ESR1: variants seen among roughly 807,000 people sequenced by gnomAD.
ESR1 encodes estrogen receptor.
In ESR1, 12 loss-of-function variants were observed where a neutral mutation model predicts 52.7. That is an observed-to-expected ratio of 0.23 (90% CI 0.15 to 0.37). ESR1 has a LOEUF of 0.37. Ranked by LOEUF, ESR1 falls within the 10% of genes least tolerant of loss-of-function variation. The pLI is 1.00. For synonymous variants in ESR1, 305 were observed against 316.8 expected (o/e 0.96, Z 0.39); for missense variants, 584 against 779.7 (o/e 0.75, Z 2.99).
intron 2 of ESR1, among the ~76,000 whole-genome samples, chr6:151,853,203 A>AAAAG (rs1562478896): frequency 6.7e-6 from 1 of 149,146 alleles, no homozygotes; most frequent in African/African-American, 2.5e-5. Flanking sequence ...AAAAAAGAGA[A>AAAAG]AGAAAGAAAG....
At position 152,061,706 on chromosome 6, in the gene ESR1, G is replaced by A. The variant is rs2047557540; in HGVS notation, c.1369+582G>A. ...ACTGCCCCTTCGTATTTATTTGTTT[G>A]AGAAAGCTTAGCTAAGAGCAACATC... On this transcript the variant is annotated intron_variant, in intron 6 of 7. Coordinates refer to ENST00000206249, the MANE Select transcript of ESR1 (RefSeq NM_000125.4). The surrounding 1 kb of genome is among the most constrained non-coding windows in gnomAD (Gnocchi z 4.3). Among the ~76,000 whole-genome samples, 1 of 152,212 alleles carries A rather than the reference G, an allele frequency of 6.6e-6. No homozygotes were observed. Among genetic ancestry groups the A allele is most frequent in the Non-Finnish European group, 1.5e-5 (1 of 68,042 alleles).
chr6:152,013,976 C>T (rs533963261), intron 5 of ESR1, among the ~76,000 whole-genome samples: 8 of 152,126 alleles, frequency 5.3e-5, no homozygotes, highest in South Asian at 4.2e-4. Context: ...GGGAGGGACC[C>T]GGTGGGAGGT....
intron 2 of ESR1, among the ~76,000 whole-genome samples, chr6:151,723,907 C>G (rs757464735): frequency 1.0e-3 from 152 of 151,994 alleles, no homozygotes; most frequent in Admixed American, 3.4e-3. Flanking sequence ...GCTGGTACCC[C>G]CTAAATCTAT....
chr6:151,736,375 G>GTTCTTTTTTTTTTTTTTTTTTTTTTTT (rs748276035), intron 2 of ESR1, among the ~76,000 whole-genome samples: 2 of 112,720 alleles, frequency 1.8e-5, no homozygotes, highest in South Asian at 2.6e-4. Flanking sequence ...TCCAGGTAGT[G>GTTCTTTTTTTTTTTTTTTTTTTTTTTT]TTTTTTTTTT....
chr6:152,083,103 GA>G (rs138555265), intron 6 of ESR1, among the ~76,000 whole-genome samples: 32,072 of 151,820 alleles, frequency 0.21, 4,779 homozygotes, highest in African/African-American at 0.41. Flanking sequence ...CACAGACTTG[GA>G]AAAAAACTAC....
chr6:151,919,443 A>G (rs1361273527), intron 3 of ESR1, among the ~76,000 whole-genome samples: 1 of 152,210 alleles, frequency 6.6e-6, no homozygotes, highest in Non-Finnish European at 1.5e-5. Context: ...TTTTATTACA[A>G]TAGTGTTTTT....
intron 2 of ESR1, among the ~76,000 whole-genome samples, chr6:151,850,590 C>T (rs1006810526): frequency 1.3e-5 from 2 of 151,976 alleles, no homozygotes; most frequent in African/African-American, 2.4e-5. Flanking sequence ...CCAATATCTC[C>T]CAAATCTTGC....
chr6:152,047,512 T>C (rs2046319333), intron 5 of ESR1, among the ~76,000 whole-genome samples: 1 of 152,196 alleles, frequency 6.6e-6, no homozygotes, highest in Non-Finnish European at 1.5e-5. Context: ...AAATATTGTA[T>C]GTTGCATTTT....
intron 5 of ESR1, among the ~76,000 whole-genome samples, chr6:152,034,224 C>T (rs1330053194): frequency 6.6e-6 from 1 of 151,870 alleles, no homozygotes; most frequent in South Asian, 2.1e-4. Flanking sequence ...ACCAACATGG[C>T]ACATGTATGC....
chr6:152,088,067 A>C (rs989817239), intron 6 of ESR1, among the ~76,000 whole-genome samples: 1 of 152,222 alleles, frequency 6.6e-6, no homozygotes, highest in South Asian at 2.1e-4. Flanking sequence ...TGAAACAAAT[A>C]GGTAATAATT....
intron 6 of ESR1, among the ~76,000 whole-genome samples, chr6:152,119,594 C>T (rs1424770982): frequency 1.3e-5 from 2 of 152,170 alleles, no homozygotes; most frequent in African/African-American, 2.4e-5. Context: ...TATGCCCTTC[C>T]TCACCCAGCA....
In ESR1 at chr6:151,868,081, GATAGTTTTTTGTACCCA is replaced by G. The variant is rs1265330894; in HGVS notation, c.644-12571_644-12555del. On this transcript the variant is annotated intron_variant, in intron 2 of 7. Coordinates refer to ENST00000206249, the MANE Select transcript of ESR1 (RefSeq NM_000125.4). ...TCAGGTAATGAGCATAGTACCCAAT[GATAGTTTTTTGTACCCA>G]ATGATAGTTTTTTGTTTTCTTTGTT... Among the ~76,000 whole-genome samples, 3 of 46,260 alleles carry G rather than the reference GATAGTTTTTTGTACCCA, an allele frequency of 6.5e-5. No homozygotes were observed. In the East Asian group the frequency reaches 1.8e-3, roughly 28 times the overall value. The allele number at this position is 46,260 out of a possible 152,430, so 30.3% of individuals were successfully genotyped here.
chr6:151,962,079 GA>G (rs2037737309), intron 4 of ESR1, among the ~76,000 whole-genome samples: 1 of 152,152 alleles, frequency 6.6e-6, no homozygotes, highest in Non-Finnish European at 1.5e-5. Context: ...AGGGGACAGT[GA>G]AAAGGGAGTA....
chr6:151,768,177 A>C (rs1042151453), intron 2 of ESR1, among the ~76,000 whole-genome samples: 4 of 152,318 alleles, frequency 2.6e-5, no homozygotes, highest in African/African-American at 9.6e-5. Flanking sequence ...CTTTACAGAG[A>C]AGAAGAAATC....
chr6:151,995,824 A>T (rs1584719850), intron 4 of ESR1, among the ~76,000 whole-genome samples: 1 of 152,182 alleles, frequency 6.6e-6, no homozygotes, highest in East Asian at 1.9e-4. Context: ...GGCACCAGAC[A>T]CTGTTCTAGC....
chr6:151,756,526 C>G (rs1784298775), intron 2 of ESR1, among the ~76,000 whole-genome samples: 1 of 152,122 alleles, frequency 6.6e-6, no homozygotes, highest in African/African-American at 2.4e-5. Flanking sequence ...CCTGTGTATG[C>G]TACCTATTTA....
intron 2 of ESR1, among the ~76,000 whole-genome samples, chr6:151,878,965 A>G (rs1792320333): frequency 6.6e-6 from 1 of 152,136 alleles, no homozygotes; most frequent in African/African-American, 2.4e-5. Flanking sequence ...CTCAGAGAAG[A>G]GGGTTGTGTT....
At chr6:151,688,149 AT>A (rs1778761882), upstream of ESR1, among the ~76,000 whole-genome samples, 1 of 152,226 alleles carries the variant, frequency 6.6e-6, no homozygotes, top group Non-Finnish European at 1.5e-5. Context: ...CCAAGCACAC[AT>A]TTTTATTTTT....
intron 6 of ESR1, among the ~76,000 whole-genome samples, chr6:152,116,698 C>T (rs1307869475): frequency 1.3e-5 from 2 of 151,352 alleles, no homozygotes; most frequent in African/African-American, 4.9e-5. Flanking sequence ...AACAAATATA[C>T]TATATTATTA....
Sources: allele counts gnomAD v4.1 joint callset (sites outside exome capture counted in the v4.1 genomes callset), GRCh38; gene constraint gnomAD v4.1.1; non-coding constraint Gnocchi (gnomAD v3.1); transcripts MANE v1.5; gene names NCBI Gene and HGNC (gene_info 2026-07-23, HGNC 2026-07-21).